The following PCDHA7 variants were observed in gnomAD, a reference collection of about 807,000 sequenced individuals.
PCDHA7 encodes protocadherin alpha-7.
PCDHA7 carries 37 observed loss-of-function variants against 57.2 expected under a neutral mutation model. The ratio of observed to expected loss-of-function variants is 0.65; its 90% confidence interval spans 0.50 to 0.85. The LOEUF (loss-of-function observed/expected upper bound fraction) is 0.85, where lower values mean the gene tolerates loss of function less well. PCDHA7 is among the 40% of genes least tolerant of loss of function. PCDHA7 has a pLI of 0.00. For synonymous variants in PCDHA7, 553 were observed against 558.8 expected (o/e 0.99, Z 0.15); for missense variants, 1,188 against 1,241.8 (o/e 0.96, Z 0.65).
chr5:140,872,768 A>C (rs527621278), intron 1 of PCDHA7, among the ~76,000 whole-genome samples: 1 of 152,292 alleles, frequency 6.6e-6, no homozygotes, highest in East Asian at 1.9e-4. Context: ...ATAGGGCTAT[A>C]TTATCTATAA....
chr5:140,882,816 A>C, intron 1 of PCDHA7: 3 of 1,614,266 alleles, frequency 1.9e-6, no homozygotes, highest in Non-Finnish European at 2.5e-6. Flanking sequence ...TTGGACGCAC[A>C]AAACAGTCTT....
Position 140,856,989 on chromosome 5 carries a change from C to T in PCDHA7, c.2355+20251C>T. 3.1e-6 allele frequency: 5 copies of T among 1,595,206 alleles called. 1 individual carries two copies. The highest frequency in any genetic ancestry group is 1.1e-5 in the South Asian group (1 of 90,500). ...GCTATTGACTTTGAGGACAGTAACA[C>T]TTATGAAATTCATGTAGATGTTACA... is the stretch of plus-strand genomic sequence containing the variant. On this transcript the variant is annotated intron_variant, in intron 1 of 3. Transcript: ENST00000525929.
In PCDHA7 at chr5:141,003,833, A is replaced by G. The variant is rs1215772990; in HGVS notation, c.2504-5794A>G. On this transcript the variant is annotated intron_variant, in intron 3 of 3. Transcript: ENST00000525929. ...AGTCTGGGAAGGGCTCTGCCTAACG[A>G]TTCAGACCCCTACCAGATTTATATG... is the stretch of plus-strand genomic sequence containing the variant. 2.6e-5 allele frequency among the ~76,000 whole-genome samples: 4 copies of G among 152,176 alleles called. No individual in the cohort carries two copies. In the East Asian group the frequency reaches 7.7e-4, roughly 29 times the overall value.
At chr5:140,967,915 T>C in intron 1 of PCDHA7, 1 of 1,614,148 alleles carries the variant, frequency 6.2e-7, no homozygotes, top group Non-Finnish European at 8.5e-7. Context: ...CCAACACCAT[T>C]GTGGCCGTTC....
At chr5:140,969,945 A>G (rs2096371634) in intron 1 of PCDHA7, among the ~76,000 whole-genome samples, 1 of 152,214 alleles carries the variant, frequency 6.6e-6, no homozygotes, top group South Asian at 2.1e-4. Flanking sequence ...TACTGAAGCT[A>G]AAGTTTGCTT....
intron 3 of PCDHA7, among the ~76,000 whole-genome samples, chr5:140,997,680 G>A (rs954561672): frequency 6.6e-6 from 1 of 151,954 alleles, no homozygotes; most frequent in African/African-American, 2.4e-5. Context: ...GTGTGTGTGT[G>A]TGTGTGTGTG....
rs781870271 is a variant in PCDHA7, at chr5:140,968,199, T to C, written c.2356-10750T>C. The C allele has an allele frequency of 4.3e-6, 7 of 1,613,986 alleles. No homozygotes were observed. The South Asian group carries it at 7.7e-5, about 18-fold the overall frequency. The stretch of plus-strand genomic sequence containing the variant: ...CTGGAGGACTCCTATTCCATCTACA[T>C]ACAGGAGAACAATTTGCCAGGTGTG... On this transcript the variant is annotated intron_variant, in intron 1 of 3. Transcript: ENST00000525929.
intron 1 of PCDHA7, among the ~76,000 whole-genome samples, chr5:140,839,422 C>T (rs1398340134): frequency 1.3e-5 from 2 of 151,902 alleles, no homozygotes; most frequent in Non-Finnish European, 2.9e-5. Flanking sequence ...CAGGGTCTCA[C>T]TCTGTAGCCC....
intron 1 of PCDHA7, chr5:140,867,470 T>C (rs1010353201): frequency 2.0e-5 from 3 of 152,066 alleles, no homozygotes; most frequent in Non-Finnish European, 4.4e-5. Context: ...ATGACAACAT[T>C]GGGAAAAGAG....
intron 1 of PCDHA7, among the ~76,000 whole-genome samples, chr5:140,956,665 G>GCTTT (rs1273636843): frequency 1.3e-5 from 2 of 152,004 alleles, no homozygotes; most frequent in Non-Finnish European, 2.9e-5. Flanking sequence ...TGGCCTTAAA[G>GCTTT]GAGTTAGGGA....
intron 3 of PCDHA7, among the ~76,000 whole-genome samples, chr5:140,990,502 A>T (rs1303617067): frequency 6.6e-6 from 1 of 152,164 alleles, no homozygotes; most frequent in African/African-American, 2.4e-5. Context: ...ACATTCCCCA[A>T]GTCTTCTCTC....
chr5:140,848,408 A>G, intron 1 of PCDHA7: 1 of 1,352,390 alleles, frequency 7.4e-7, no homozygotes, highest in East Asian at 2.3e-5. Context: ...ACGATGGCGA[A>G]CACAGCAGAA....
intron 1 of PCDHA7, chr5:140,876,038 G>A (rs2153335869): frequency 6.2e-7 from 1 of 1,613,822 alleles, no homozygotes; most frequent in East Asian, 2.2e-5. Context: ...AAAGATAAAA[G>A]TATATTGCCT....
At position 141,010,838 on chromosome 5, in the gene PCDHA7, T is replaced by G. The variant is rs2154002200; in HGVS notation, c.*901T>G. 1.3e-5 allele frequency: 2 copies of G among 153,860 alleles called. No homozygotes were observed. The highest frequency in any genetic ancestry group is 2.9e-5 in the Non-Finnish European group (2 of 68,042). The allele number at this position is 153,860 out of a possible 1,614,324, so 9.5% of individuals were successfully genotyped here. On this transcript the variant is annotated 3_prime_UTR_variant, in exon 4 of 4. Coordinates refer to ENST00000525929, the MANE Select transcript of PCDHA7 (RefSeq NM_018910.3). ...TTTCGCTGTTTGTTGTTTCATAGAT[T>G]TATTTAAAAAAAGAGAAAGTCTATA...
intron 3 of PCDHA7, among the ~76,000 whole-genome samples, chr5:140,992,501 A>G (rs1437736734): frequency 6.6e-6 from 1 of 152,206 alleles, no homozygotes. Context: ...TAAGGATTCA[A>G]TCCTGGGGCA....
intron 3 of PCDHA7, among the ~76,000 whole-genome samples, chr5:140,995,268 C>G (rs2097673323): frequency 6.6e-6 from 1 of 152,110 alleles, no homozygotes; most frequent in Non-Finnish European, 1.5e-5. Flanking sequence ...AATACAAGCC[C>G]TTTGATACCA....
chr5:140,941,936 T>G (rs901567070), intron 1 of PCDHA7, among the ~76,000 whole-genome samples: 7 of 152,362 alleles, frequency 4.6e-5, no homozygotes, highest in Non-Finnish European at 7.3e-5. Flanking sequence ...ATATTTGAAT[T>G]ACTTTTGTTT....
chr5:140,974,126 T>C (rs1554235851), intron 1 of PCDHA7, among the ~76,000 whole-genome samples: 1 of 152,242 alleles, frequency 6.6e-6, no homozygotes, highest in Non-Finnish European at 1.5e-5. Flanking sequence ...GTGTTTTAAA[T>C]CTGCTAACCT....
chr5:140,855,882 T>C (rs1248405239), intron 1 of PCDHA7: 3 of 945,936 alleles, frequency 3.2e-6, no homozygotes, highest in Admixed American at 3.1e-5. Context: ...AATAGCTTTT[T>C]AGAACAAAGG....
Sources: gnomAD v4.1 joint callset for allele counts (sites outside exome capture counted in the v4.1 genomes callset) on GRCh38, gnomAD v4.1.1 for gene constraint, MANE v1.5 for transcripts, NCBI Gene and HGNC (gene_info 2026-07-23, HGNC 2026-07-21) for gene names.